CCDC14: variants seen among roughly 807,000 people sequenced by gnomAD.
CCDC14 encodes the protein coiled-coil domain-containing protein 14.
In CCDC14, 71 loss-of-function variants were observed where a neutral mutation model predicts 81.4. The ratio of observed to expected loss-of-function variants is 0.87; its 90% confidence interval spans 0.72 to 1.06. CCDC14 has a LOEUF of 1.06. Among genes scored for constraint, CCDC14 ranks in the 50% least tolerant of loss-of-function variants. The probability of loss-of-function intolerance (pLI) is 0.00; values close to 1 mark genes in which losing one functional copy is unlikely to be tolerated. For synonymous variants in CCDC14, 332 were observed against 364.8 expected (o/e 0.91, Z 1.03); for missense variants, 1,046 against 1,047.3 (o/e 1.00, Z 0.02).
intron 9 of CCDC14, 41 bp downstream of exon 9, chr3:123,944,808 T>A (rs1050124274): frequency 1.3e-6 from 2 of 1,563,784 alleles, no homozygotes; most frequent in South Asian, 1.2e-5. Flanking sequence ...CCAGGAGACA[T>A]CTTTGCATAC....
Position 123,915,045 on chromosome 3 carries a change from T to G in CCDC14, c.2452A>C (p.Lys818Gln), listed in dbSNP as rs774462419. The change falls in exon 13 of 13, where the codon AAG becomes CAG. Residue 818 changes from lysine (K) to glutamine (Q), a missense_variant. Physicochemically the swap from Lys to Gln is moderately conservative, Grantham distance 53. Coordinates refer to ENST00000409697, the MANE Select transcript of CCDC14 (RefSeq NM_001366335.1). The part of the protein sequence containing the change: ...LLKKIKEAIG[K>Q]IPAATKEPEE... The stretch of plus-strand genomic sequence containing the variant: ...GGCTCCTTGGTGGCAGCAGGGATCT[T>G]ACCAATTGCTTCCTTTATTTTCTTG... The G allele has an allele frequency of 1.9e-6, 3 of 1,614,040 alleles. No individual in the cohort carries two copies. Among genetic ancestry groups the G allele is most frequent in the Non-Finnish European group, 2.5e-6 (3 of 1,179,892 alleles).
At chr3:123,955,130 A>C (rs550509372) in intron 5 of CCDC14, 1 of 152,170 alleles carries the variant, frequency 6.6e-6, no homozygotes, top group Non-Finnish European at 1.5e-5. Flanking sequence ...TCCTTGCCCA[A>C]GCTGAATCTA....
At chr3:123,926,565 A>G (rs1445228683) in intron 12 of CCDC14, among the ~76,000 whole-genome samples, 1 of 146,960 alleles carries the variant, frequency 6.8e-6, no homozygotes, top group Non-Finnish European at 1.5e-5. Flanking sequence ...TATAAATATT[A>G]TTTAAATTAA....
At chr3:123,937,763 C>T (rs532800145) in intron 9 of CCDC14, among the ~76,000 whole-genome samples, 4 of 151,822 alleles carry the variant, frequency 2.6e-5, no homozygotes, top group East Asian at 1.9e-4. Flanking sequence ...TTTTCTCTTA[C>T]GTTTCCTTTC....
At chr3:123,887,295 G>C in the CCDC14 span, among the ~76,000 whole-genome samples, 5 of 151,788 alleles carry the variant, frequency 3.3e-5, no homozygotes, top group African/African-American at 4.8e-5. Flanking sequence ...TGTATCTTTA[G>C]TCATTTTGGT....
Position 123,931,317 on chromosome 3 carries a change from T to A in CCDC14, c.1636A>T (p.Ile546Leu). 1 of 1,535,300 alleles carries A rather than the reference T, an allele frequency of 6.5e-7. No individual in the cohort carries two copies. Among genetic ancestry groups the A allele is most frequent in the Non-Finnish European group, 8.8e-7 (1 of 1,131,476 alleles). Residue 546 changes from isoleucine (I) to leucine (L), a missense_variant, in exon 11 of 13, where the codon ATA (isoleucine) becomes TTA (leucine). Coordinates refer to ENST00000409697, the MANE Select transcript of CCDC14 (RefSeq NM_001366335.1). The stretch of plus-strand genomic sequence containing the variant: ...CTGTCTAAATACGTACCAATTTTTA[T>A]TCTTGTTATCTCAATATCATATTGC... ...KQQYDIEITR[I>L]KIELEEALVN... is the part of the protein sequence containing the mutation.
Position 123,914,320 on chromosome 3 carries a change from G to A in CCDC14, c.*459C>T. On this transcript the variant is annotated 3_prime_UTR_variant, in exon 13 of 13. Transcript: ENST00000409697. ...TATATTTCACCAACAACACTGGCCT[G>A]TGGCACACAGCATGTTTAATAAAAA... The A allele has an allele frequency of 1.0e-6, 1 of 984,730 alleles. No homozygotes were observed. Among genetic ancestry groups the A allele is most frequent in the Non-Finnish European group, 1.2e-6 (1 of 829,456 alleles). The allele number at this position is 984,730 out of a possible 1,614,324, so 61.0% of individuals were successfully genotyped here. A position where few individuals can be genotyped will look rare whatever the true frequency, so the allele number is the denominator to read the frequency against.
chr3:123,888,315 A>G, the CCDC14 span, among the ~76,000 whole-genome samples: 2 of 152,274 alleles, frequency 1.3e-5, no homozygotes, highest in South Asian at 2.1e-4. Context: ...TCATTTTTAC[A>G]TGAATTTTGT....
chr3:123,896,564 T>C (rs1394039973), downstream of CCDC14, among the ~76,000 whole-genome samples: 2 of 152,068 alleles, frequency 1.3e-5, no homozygotes, highest in African/African-American at 4.8e-5. Flanking sequence ...AAATAGCACA[T>C]GATCTCACTT....
Position 123,944,956 on chromosome 3 carries a change from C to T in CCDC14, c.1236G>A (p.Met412Ile), listed in dbSNP as rs1415147057. 6.2e-7 allele frequency: 1 copy of T among 1,606,236 alleles called. No individual in the cohort carries two copies. The highest frequency in any genetic ancestry group is 8.5e-7 in the Non-Finnish European group (1 of 1,174,486). ...TTGGAAGTACAGATATACATGCCTC[C>T]ATTTCTGTAATCAACCTCTGAATTT... ...DSEIQRLITE[M>I]EACISVLPTV... The change falls in exon 9 of 13, where the codon ATG becomes ATA. Residue 412 changes from methionine (M) to isoleucine (I), a missense_variant. Coordinates refer to ENST00000409697, the MANE Select transcript of CCDC14 (RefSeq NM_001366335.1).
At position 123,915,347 on chromosome 3, in the gene CCDC14, A is replaced by G; in HGVS notation, c.2150T>C (p.Met717Thr). ...KQDSDEGSETMALIEDEHNLD... is the reference protein window; with the variant it reads ...KQDSDEGSETTALIEDEHNLD... ...ATTATGCTCATCTTCTATTAAAGCC[A>G]TAGTTTCACTCCCTTCATCAGAATC... The change falls in exon 13 of 13, where the codon ATG becomes ACG. Residue 717 changes from methionine to threonine, a missense_variant. Met to Thr is a moderately conservative substitution (Grantham distance 81). Coordinates refer to ENST00000409697, the MANE Select transcript of CCDC14 (RefSeq NM_001366335.1). 1 of 1,613,940 alleles carries G rather than the reference A, an allele frequency of 6.2e-7. No homozygotes were observed. Among genetic ancestry groups the G allele is most frequent in the East Asian group, 2.2e-5 (1 of 44,884 alleles).
chr3:123,939,900 T>C (rs1376747827), intron 9 of CCDC14, among the ~76,000 whole-genome samples: 1 of 151,890 alleles, frequency 6.6e-6, no homozygotes, highest in Non-Finnish European at 1.5e-5. Context: ...ACAGAGTTCA[T>C]GTTGGGGATG....
At chr3:123,957,519 C>A (rs568027805) in intron 1 of CCDC14, 1 of 152,220 alleles carries the variant, frequency 6.6e-6, no homozygotes, top group East Asian at 1.9e-4. Flanking sequence ...CTACATCTCA[C>A]TGTCTTAATT....
At chr3:123,892,231 G>A in the CCDC14 span, among the ~76,000 whole-genome samples, 1 of 152,112 alleles carries the variant, frequency 6.6e-6, no homozygotes, top group Non-Finnish European at 1.5e-5. Context: ...CTTGCCTTCT[G>A]TGCACCCCCA....
Position 123,897,635 on chromosome 3 carries a change from CATAA to C in CCDC14, c.668-26_668-23del, listed in dbSNP as rs1301842233. The C allele has an allele frequency of 1.3e-5, 14 of 1,093,452 alleles. 1 individual carries two copies. The South Asian group carries it at 2.3e-4, about 18-fold the overall frequency. 67.7% of individuals were successfully genotyped at this position (1,093,452 alleles called of 1,614,324 possible). On this transcript the variant is annotated intron_variant, in intron 5 of 5. Transcript: ENST00000479903. ...AAGTCTGAAAGAATAGAAATGACAA[CATAA>C]ATAAATATAAACTTGGGATTACATT...
chr3:123,908,278 G>A (rs1382197712), intron 5 of CCDC14, among the ~76,000 whole-genome samples: 1 of 152,174 alleles, frequency 6.6e-6, no homozygotes, highest in East Asian at 1.9e-4. Context: ...AGCCCTTTGA[G>A]CTGGAATGAG....
rs1559809214 is a variant in CCDC14, at chr3:123,956,355, C to G, written c.159G>C (p.Gln53His). 6.5e-7 allele frequency: 1 copy of G among 1,539,924 alleles called. No individual in the cohort carries two copies. Among genetic ancestry groups the G allele is most frequent in the Non-Finnish European group, 8.8e-7 (1 of 1,140,592 alleles). ...GTGTATTGTATCTATTCAATCTTAC[C>G]TGACTTTCTGAATCAGAATGGATGG... is the stretch of plus-strand genomic sequence containing the variant. ...GYSIHSDSES[Q>H]AETVHGLDGC... Residue 53 changes from glutamine to histidine, a missense_variant and splice_region_variant, in exon 3 of 13, where the codon CAG becomes CAC. By Grantham distance (24) the Gln-to-His change is conservative (BLOSUM62 0). Coordinates refer to ENST00000409697, the MANE Select transcript of CCDC14 (RefSeq NM_001366335.1).
intron 8 of CCDC14, 114 bp from the exon 9 acceptor site, chr3:123,945,104 T>C: frequency 3.8e-6 from 2 of 532,592 alleles, no homozygotes; most frequent in Non-Finnish European, 6.0e-6. Context: ...TGTTATAAAT[T>C]CAACTCAATT....
the CCDC14 span, among the ~76,000 whole-genome samples, chr3:123,885,328 C>T: frequency 0.03 from 4,569 of 152,158 alleles, 103 homozygotes; most frequent in Non-Finnish European, 0.044. Flanking sequence ...CCAGCCACCC[C>T]AGGAGCCTCT....
Sources: allele counts gnomAD v4.1 joint callset (sites outside exome capture counted in the v4.1 genomes callset), GRCh38; gene constraint gnomAD v4.1.1; transcripts MANE v1.5; gene names NCBI Gene and HGNC (gene_info 2026-07-23, HGNC 2026-07-21).